Variants in EPHB2 observed in about 807,000 individuals in gnomAD.
EPHB2 encodes the protein ephrin type-B receptor 2.
In EPHB2, 18 loss-of-function variants were observed where a neutral mutation model predicts 96.4. That is an observed-to-expected ratio of 0.19 (90% confidence interval 0.13 to 0.28). EPHB2 has a LOEUF of 0.28. EPHB2 is among the 10% of genes least tolerant of loss of function. The pLI is 1.00. For missense variants in EPHB2, 989 were observed against 1,355.4 expected, an observed-to-expected ratio of 0.73 and a Z score of 4.25; for synonymous variants, 506 against 534.1, an observed-to-expected ratio of 0.95 and a Z score of 0.72.
intron 3 of EPHB2, among the ~76,000 whole-genome samples, chr1:22,811,851 C>T (rs1015256511): frequency 1.3e-5 from 2 of 151,962 alleles, no homozygotes; most frequent in African/African-American, 4.8e-5. Flanking sequence ...CCAGCCTGGG[C>T]AACATAGTGA....
chr1:22,842,687 T>C (rs1298722181), intron 3 of EPHB2, among the ~76,000 whole-genome samples: 1 of 152,168 alleles, frequency 6.6e-6, no homozygotes, highest in Non-Finnish European at 1.5e-5. Context: ...CTGCCCTGTT[T>C]CCCACTCAGT....
chr1:22,720,899 G>A (rs1187195395), intron 1 of EPHB2, among the ~76,000 whole-genome samples: 1 of 152,154 alleles, frequency 6.6e-6, no homozygotes, highest in African/African-American at 2.4e-5. Flanking sequence ...CCTTGGGCTG[G>A]TGGGATTGAA....
chr1:22,716,438 C>T (rs1213949618), intron 1 of EPHB2, among the ~76,000 whole-genome samples: 1 of 152,124 alleles, frequency 6.6e-6, no homozygotes, highest in African/African-American at 2.4e-5. Context: ...TTCAAGCCAT[C>T]TTCCCACCTC....
At chr1:22,810,219 G>A (rs572630547) in intron 3 of EPHB2, among the ~76,000 whole-genome samples, 7 of 152,198 alleles carry the variant, frequency 4.6e-5, no homozygotes, top group East Asian at 3.9e-4. Flanking sequence ...AGATGGGAGC[G>A]GGACCCTGCC....
intron 1 of EPHB2, among the ~76,000 whole-genome samples, chr1:22,726,697 C>T (rs142447181): frequency 6.6e-6 from 1 of 152,282 alleles, no homozygotes; most frequent in Non-Finnish European, 1.5e-5. Context: ...GCTGGGATTA[C>T]AGGTGTGAGC....
At chr1:22,802,072 C>G (rs1305539452) in intron 3 of EPHB2, among the ~76,000 whole-genome samples, 1 of 152,062 alleles carries the variant, frequency 6.6e-6, no homozygotes, top group African/African-American at 2.4e-5. Flanking sequence ...CAGATGGGAC[C>G]AGAAGTGATG....
chr1:22,899,627 C>T (rs1036225392), intron 9 of EPHB2, among the ~76,000 whole-genome samples: 62 of 152,104 alleles, frequency 4.1e-4, no homozygotes, highest in African/African-American at 1.5e-3. Flanking sequence ...AACATGAAAG[C>T]AATTGATAAC....
chr1:22,866,048 A>G (rs1278792051), intron 5 of EPHB2, among the ~76,000 whole-genome samples: 1 of 152,034 alleles, frequency 6.6e-6, no homozygotes, highest in African/African-American at 2.4e-5. Flanking sequence ...CTCTACCAGG[A>G]CCACTGTCCT....
At chr1:22,812,490 C>G (rs1645016939) in intron 3 of EPHB2, among the ~76,000 whole-genome samples, 1 of 151,864 alleles carries the variant, frequency 6.6e-6, no homozygotes, top group Non-Finnish European at 1.5e-5. Flanking sequence ...CCAGACCCAC[C>G]CGGTTGAGTG....
intron 1 of EPHB2, among the ~76,000 whole-genome samples, chr1:22,780,667 A>G (rs1281948655): frequency 6.6e-6 from 1 of 152,216 alleles, no homozygotes; most frequent in Non-Finnish European, 1.5e-5. Context: ...AACAGATCCC[A>G]GAGTTTGATG....
Position 22,914,749 on chromosome 1 carries a change from C to G in EPHB2, c.*1179C>G, listed in dbSNP as rs1640221428. Reference sequence around the variant, plus strand: ...CCTCCCACCTGCCACCAGGCCTCACCAAAGCCCACTGCCATGGGGCCATCT... The same window carrying G: ...CCTCCCACCTGCCACCAGGCCTCACGAAAGCCCACTGCCATGGGGCCATCT... On this transcript the variant is annotated 3_prime_UTR_variant, in exon 16 of 16. Transcript: ENST00000374630. 6.6e-6 allele frequency: 1 copy of G among 152,634 alleles called. No homozygotes were observed. Among genetic ancestry groups the G allele is most frequent in the South Asian group, 2.1e-4 (1 of 4,824 alleles). 9.5% of individuals were successfully genotyped at this position (152,634 alleles called of 1,614,324 possible).
intron 1 of EPHB2, among the ~76,000 whole-genome samples, chr1:22,717,856 G>A (rs1415136753): frequency 6.6e-6 from 1 of 152,160 alleles, no homozygotes; most frequent in Non-Finnish European, 1.5e-5. Context: ...GAGTCAGACT[G>A]CTCCGTACTG....
chr1:22,884,611 T>A (rs1384675519), intron 6 of EPHB2, among the ~76,000 whole-genome samples: 2 of 115,466 alleles, frequency 1.7e-5, no homozygotes, highest in Admixed American at 1.0e-4. Context: ...CAGAGTGAGA[T>A]GCTGTCTCAA....
At chr1:22,876,383 C>G (rs1339054692) in intron 5 of EPHB2, among the ~76,000 whole-genome samples, 6 of 152,124 alleles carry the variant, frequency 3.9e-5, no homozygotes. Context: ...CCACCCCGTA[C>G]AACCCCTGCA....
At chr1:22,883,527 C>A (rs965250049) in intron 6 of EPHB2, among the ~76,000 whole-genome samples, 2 of 152,208 alleles carry the variant, frequency 1.3e-5, no homozygotes, top group Non-Finnish European at 2.9e-5. Context: ...GACTAGGTGT[C>A]AATGACTGAC....
intron 3 of EPHB2, among the ~76,000 whole-genome samples, chr1:22,804,062 T>C (rs568045424): frequency 6.6e-6 from 1 of 152,290 alleles, no homozygotes; most frequent in Non-Finnish European, 1.5e-5. Context: ...GCCCACCCCG[T>C]CTTACAAGTG....
intron 3 of EPHB2, among the ~76,000 whole-genome samples, chr1:22,838,218 AC>A (rs1394102848): frequency 6.6e-6 from 1 of 152,134 alleles, no homozygotes; most frequent in Non-Finnish European, 1.5e-5. Flanking sequence ...GGCAATGGTC[AC>A]CCCCGATCCC....
At chr1:22,852,858 G>A (rs1645643285) in intron 3 of EPHB2, among the ~76,000 whole-genome samples, 1 of 152,224 alleles carries the variant, frequency 6.6e-6, no homozygotes. Context: ...CAGGTGCAGT[G>A]GCTGCCCTCA....
chr1:22,787,675 T>A (rs1166868058), intron 3 of EPHB2, among the ~76,000 whole-genome samples: 1 of 152,120 alleles, frequency 6.6e-6, no homozygotes, highest in Non-Finnish European at 1.5e-5. Context: ...GAGGATCGCT[T>A]GAGGCTGTAG....
Sources: gnomAD v4.1 joint callset for allele counts (sites outside exome capture counted in the v4.1 genomes callset) on GRCh38, gnomAD v4.1.1 for gene constraint, MANE v1.5 for transcripts, NCBI Gene and HGNC (gene_info 2026-07-23, HGNC 2026-07-21) for gene names.